The following TLL1 variants were observed in gnomAD, a reference collection of about 807,000 sequenced individuals.
TLL1 encodes the protein tolloid like 1, also known as tolloid-like protein 1.
TLL1 carries 49 observed loss-of-function variants against 128.2 expected under a neutral mutation model. The observed-to-expected ratio is 0.38, with a 90% CI of 0.30 to 0.48. The LOEUF is 0.48. TLL1 is among the 20% of genes least tolerant of loss of function. TLL1 has a pLI of 0.96. For missense variants in TLL1, 1,123 were observed against 1,242.0 expected (o/e 0.90, Z 1.44); for synonymous variants, 454 against 418.8 (o/e 1.08, Z -1.03).
At position 166,101,910 on chromosome 4, in the gene TLL1, A is replaced by G. The variant is rs1161136446; in HGVS notation, c.*1034A>G. On this transcript the variant is annotated 3_prime_UTR_variant, in exon 21 of 21. Transcript: ENST00000061240. The stretch of plus-strand genomic sequence containing the variant: ...TCTCTTTCATTTTTCTCTTCCTGGG[A>G]TTCATTTTTTCAAAACACAATGCTG... The G allele has an allele frequency of 6.6e-6, 1 of 152,424 alleles. No homozygotes were observed. Among genetic ancestry groups the G allele is most frequent in the Non-Finnish European group, 1.5e-5 (1 of 67,906 alleles). The allele number at this position is 152,424 out of a possible 1,614,324, so 9.4% of individuals were successfully genotyped here.
At chr4:165,879,834 C>T (rs1730900469) in intron 1 of TLL1, among the ~76,000 whole-genome samples, 1 of 151,898 alleles carries the variant, frequency 6.6e-6, no homozygotes, top group Admixed American at 6.6e-5. Flanking sequence ...GGGGGCCTGG[C>T]AAGGTTCCTG....
chr4:165,974,638 G>A (rs1735789926), intron 1 of TLL1, among the ~76,000 whole-genome samples: 1 of 152,144 alleles, frequency 6.6e-6, no homozygotes, highest in Admixed American at 6.5e-5. Flanking sequence ...TATTTTCCCT[G>A]TATTGCACAA....
At chr4:166,048,688 A>G (rs1739574347) in intron 12 of TLL1, among the ~76,000 whole-genome samples, 1 of 152,234 alleles carries the variant, frequency 6.6e-6, no homozygotes, top group Non-Finnish European at 1.5e-5. Flanking sequence ...GTTTACAGTA[A>G]CAACTTCAAA....
At chr4:165,938,075 C>G (rs1733846622) in intron 1 of TLL1, among the ~76,000 whole-genome samples, 1 of 151,868 alleles carries the variant, frequency 6.6e-6, no homozygotes, top group Non-Finnish European at 1.5e-5. Context: ...TTCTGGTACA[C>G]CATGTGCTCT....
At chr4:166,073,915 C>T (rs1212116938) in intron 16 of TLL1, among the ~76,000 whole-genome samples, 2 of 152,138 alleles carry the variant, frequency 1.3e-5, no homozygotes, top group South Asian at 2.1e-4. Flanking sequence ...GACTGTAACA[C>T]GTCCTTTTCA....
At chr4:166,068,566 C>CTT (rs1740677016) in intron 16 of TLL1, among the ~76,000 whole-genome samples, 2 of 151,796 alleles carry the variant, frequency 1.3e-5, no homozygotes, top group Non-Finnish European at 2.9e-5. Flanking sequence ...AACTTCGTTA[C>CTT]TGGATTTATT....
At chr4:166,054,379 A>C (rs1041005246) in intron 12 of TLL1, among the ~76,000 whole-genome samples, 2 of 152,218 alleles carry the variant, frequency 1.3e-5, no homozygotes, top group African/African-American at 2.4e-5. Flanking sequence ...CAAATCTTCT[A>C]TGAATACAAT....
At position 165,917,671 on chromosome 4, in the gene TLL1, T is replaced by G. The variant is rs371591572; in HGVS notation, c.169+43598T>G. Among the ~76,000 whole-genome samples the G allele has an allele frequency of 2.6e-5, 4 of 152,300 alleles. 1 individual carries two copies. Among genetic ancestry groups the G allele is most frequent in the Admixed American group, 6.5e-5 (1 of 15,290 alleles). On this transcript the variant is annotated intron_variant, in intron 1 of 20. Coordinates refer to ENST00000061240, the MANE Select transcript of TLL1 (RefSeq NM_012464.5). ...GATTTACATCTTGCCTGTGCAGTGT[T>G]TGCTCTTACAGTTGTTTACCCCAAA...
intron 1 of TLL1, among the ~76,000 whole-genome samples, chr4:165,981,876 T>C (rs1736163183): frequency 6.6e-6 from 1 of 152,082 alleles, no homozygotes; most frequent in Non-Finnish European, 1.5e-5. Context: ...ACCATCCCTG[T>C]TTCTGCAAAC....
chr4:165,961,885 C>A (rs370929568), intron 1 of TLL1, among the ~76,000 whole-genome samples: 15 of 152,032 alleles, frequency 9.9e-5, no homozygotes, highest in African/African-American at 3.4e-4. Flanking sequence ...TCAGTAGATG[C>A]AGAAAAAGCT....
intron 1 of TLL1, among the ~76,000 whole-genome samples, chr4:165,924,982 T>C (rs1385835078): frequency 6.6e-6 from 1 of 152,184 alleles, no homozygotes; most frequent in Non-Finnish European, 1.5e-5. Context: ...AATATTTAAG[T>C]CCACTGTGGA....
chr4:166,103,038 G>A lies in TLL1; in HGVS notation c.*2162G>A, dbSNP rs1209596163. 1 of 151,846 alleles carries A rather than the reference G, an allele frequency of 6.6e-6. No individual in the cohort carries two copies. Among genetic ancestry groups the A allele is most frequent in the Non-Finnish European group, 1.5e-5 (1 of 67,872 alleles). The allele number at this position is 151,846 out of a possible 1,614,324, so 9.4% of individuals were successfully genotyped here. A position where few individuals can be genotyped will look rare whatever the true frequency, so the allele number is the denominator to read the frequency against. ...CTTTTTAAATTCCATGCTACACTTT[G>A]AGGACTGTCATCATGTTCTCGTTTT... is the stretch of plus-strand genomic sequence containing the variant. On this transcript the variant is annotated 3_prime_UTR_variant, in exon 21 of 21. Coordinates refer to ENST00000061240, the MANE Select transcript of TLL1 (RefSeq NM_012464.5).
intron 13 of TLL1, among the ~76,000 whole-genome samples, chr4:166,056,086 A>T (rs1464332986): frequency 6.6e-6 from 1 of 152,074 alleles, no homozygotes; most frequent in Non-Finnish European, 1.5e-5. Context: ...CCTGGAAGCT[A>T]TTTTATTCAT....
chr4:166,057,980 T>C (rs1204597669), intron 14 of TLL1, among the ~76,000 whole-genome samples: 1 of 152,198 alleles, frequency 6.6e-6, no homozygotes, highest in Admixed American at 6.5e-5. Context: ...CTTGTTTCTA[T>C]CTAGATTCAT....
At chr4:166,059,654 A>T (rs1218790296) in intron 14 of TLL1, among the ~76,000 whole-genome samples, 1 of 152,088 alleles carries the variant, frequency 6.6e-6, no homozygotes, top group African/African-American at 2.4e-5. Flanking sequence ...CGACAAAAAA[A>T]AAATTTTTTT....
intron 16 of TLL1, among the ~76,000 whole-genome samples, chr4:166,069,849 A>G (rs7671123): frequency 0.48 from 72,148 of 151,546 alleles, 19,898 homozygotes; most frequent in African/African-American, 0.78. Context: ...GGATTTTATA[A>G]CAAAATAATT....
chr4:165,881,436 C>A (rs1198952123), intron 1 of TLL1, among the ~76,000 whole-genome samples: 1 of 152,230 alleles, frequency 6.6e-6, no homozygotes, highest in Admixed American at 6.5e-5. Context: ...TGATGACTTT[C>A]CTTTTTCAAA....
chr4:165,914,446 A>G (rs1732688952), intron 1 of TLL1, among the ~76,000 whole-genome samples: 1 of 152,200 alleles, frequency 6.6e-6, no homozygotes, highest in African/African-American at 2.4e-5. Flanking sequence ...TACCTGAAAG[A>G]CTGAATGATT....
chr4:165,911,112 A>G (rs1732508390), intron 1 of TLL1, among the ~76,000 whole-genome samples: 1 of 152,128 alleles, frequency 6.6e-6, no homozygotes, highest in South Asian at 2.1e-4. Context: ...ACCCTACTCT[A>G]CTATCAAACA....
Sources: gnomAD v4.1 joint callset for allele counts (sites outside exome capture counted in the v4.1 genomes callset) on GRCh38, gnomAD v4.1.1 for gene constraint, MANE v1.5 for transcripts, NCBI Gene and HGNC (gene_info 2026-07-23, HGNC 2026-07-21) for gene names.